Variants in PTGER4 observed in about 807,000 individuals in gnomAD.
PTGER4 encodes the protein prostaglandin E receptor 4.
PTGER4 carries 11 observed loss-of-function variants against 33.2 expected under a neutral mutation model. The ratio of observed to expected loss-of-function variants is 0.33; its 90% CI spans 0.21 to 0.55. The LOEUF (loss-of-function observed/expected upper bound fraction) is 0.55. PTGER4 is among the 20% of genes least tolerant of loss of function. The probability of loss-of-function intolerance (pLI) is 0.92; values close to 1 mark genes in which losing one functional copy is unlikely to be tolerated. For synonymous variants in PTGER4, 275 were observed against 281.5 expected, an observed-to-expected ratio of 0.98 and a Z score of 0.23; for missense variants, 481 against 650.2, an observed-to-expected ratio of 0.74 and a Z score of 2.83.
chr5:40,685,477 A>G (rs1395738927), intron 2 of PTGER4: 1 of 984,742 alleles, frequency 1.0e-6, no homozygotes, highest in East Asian at 1.1e-4. Context: ...AAATGCCACA[A>G]ATTTGGGTAT....
chr5:40,697,050 AG>A (rs1374288009), downstream of PTGER4, among the ~76,000 whole-genome samples: 1 of 146,610 alleles, frequency 6.8e-6, no homozygotes, highest in Non-Finnish European at 1.5e-5. Flanking sequence ...AAAGGAAGGA[AG>A]GAAAGAAAGA....
chr5:40,696,685 G>A (rs970712515), downstream of PTGER4: 9 of 985,050 alleles, frequency 9.1e-6, no homozygotes, highest in Non-Finnish European at 1.1e-5. Flanking sequence ...TGGAAGAGAA[G>A]GACAGAAGAG....
chr5:40,703,643 G>A, the PTGER4 span, among the ~76,000 whole-genome samples: 19 of 152,064 alleles, frequency 1.2e-4, no homozygotes, highest in South Asian at 4.1e-4. Context: ...TGTGGCTCAC[G>A]CCTGTAATCC....
downstream of PTGER4, among the ~76,000 whole-genome samples, chr5:40,695,261 T>C (rs1741564228): frequency 6.6e-6 from 1 of 152,024 alleles, no homozygotes; most frequent in South Asian, 2.1e-4. Context: ...AATACAAAAA[T>C]TGGCCAGGCG....
chr5:40,689,335 A>G (rs1741412297), intron 2 of PTGER4, among the ~76,000 whole-genome samples: 1 of 152,228 alleles, frequency 6.6e-6, no homozygotes, highest in African/African-American at 2.4e-5. Flanking sequence ...TAAGGAAGAA[A>G]AAGAAATGCA....
chr5:40,685,762 A>C (rs778478938), intron 2 of PTGER4, among the ~76,000 whole-genome samples: 1 of 152,222 alleles, frequency 6.6e-6, no homozygotes, highest in Non-Finnish European at 1.5e-5. Context: ...AATTTATATC[A>C]TTCTGCAACT....
intron 2 of PTGER4, among the ~76,000 whole-genome samples, chr5:40,690,175 A>G (rs1263881576): frequency 6.6e-6 from 1 of 152,050 alleles, no homozygotes; most frequent in Non-Finnish European, 1.5e-5. Context: ...CCTCATCTCT[A>G]CAAAAATAAT....
chr5:40,737,169 C>T, the PTGER4 span, among the ~76,000 whole-genome samples: 21 of 152,106 alleles, frequency 1.4e-4, no homozygotes, highest in Non-Finnish European at 2.5e-4. Flanking sequence ...TGGTGGCGCA[C>T]ACCTGTAGCC....
At chr5:40,698,120 C>CAAAA (rs1352485485), downstream of PTGER4, among the ~76,000 whole-genome samples, 3 of 71,056 alleles carry the variant, frequency 4.2e-5, no homozygotes, top group East Asian at 4.0e-4. Context: ...AAAAAAAAAA[C>CAAAA]CATGAAAAAT....
chr5:40,697,149 AG>A (rs1318225768), downstream of PTGER4, among the ~76,000 whole-genome samples: 98 of 130,138 alleles, frequency 7.5e-4, no homozygotes, highest in Middle Eastern at 4.3e-3. Flanking sequence ...AAGGAAAGAA[AG>A]AGAAAGAAAG....
chr5:40,728,243 C>A, the PTGER4 span: 15 of 974,304 alleles, frequency 1.5e-5, no homozygotes, highest in Non-Finnish European at 2.1e-5. Flanking sequence ...GAGATTGCAC[C>A]ACTGCACTGT....
downstream of PTGER4, among the ~76,000 whole-genome samples, chr5:40,695,575 C>T (rs1741571017): frequency 6.6e-6 from 1 of 151,290 alleles, no homozygotes; most frequent in South Asian, 2.1e-4. Flanking sequence ...CAAACATTAA[C>T]TAGGCATGGT....
chr5:40,740,281 T>C, the PTGER4 span, among the ~76,000 whole-genome samples: 1 of 151,664 alleles, frequency 6.6e-6, no homozygotes, highest in African/African-American at 2.4e-5. Context: ...CTATCTAGTA[T>C]GATTTTCCTT....
chr5:40,746,177 T>C, the PTGER4 span, among the ~76,000 whole-genome samples: 19 of 151,422 alleles, frequency 1.3e-4, no homozygotes, highest in African/African-American at 4.4e-4. Flanking sequence ...TTGGTCCTTC[T>C]TAAAAATCTA....
At chr5:40,682,283 T>C (rs2111786754) in intron 2 of PTGER4, among the ~76,000 whole-genome samples, 1 of 152,302 alleles carries the variant, frequency 6.6e-6, no homozygotes, top group Admixed American at 6.5e-5. Context: ...TGGTGATCTG[T>C]TCGTTGTAAA....
Position 40,679,987 on chromosome 5 carries a change from G to A in PTGER4, c.-535G>A, listed in dbSNP as rs1741144277. 1 of 152,844 alleles carries A rather than the reference G, an allele frequency of 6.5e-6. No homozygotes were observed. The highest frequency in any genetic ancestry group is 1.5e-5 in the Non-Finnish European group (1 of 68,550). The allele number at this position is 152,844 out of a possible 1,614,324, so 9.5% of individuals were successfully genotyped here. Reference sequence around the variant, plus strand: ...GAGGAAGATGAACAGCCCCAGGCCAGAGCCTCTGGCAGAGTGGACCCCGAG... The same window carrying A: ...GAGGAAGATGAACAGCCCCAGGCCAAAGCCTCTGGCAGAGTGGACCCCGAG... On this transcript the variant is annotated 5_prime_UTR_variant, in exon 1 of 3. Transcript: ENST00000302472.
chr5:40,721,171 T>C, the PTGER4 span, among the ~76,000 whole-genome samples: 1 of 152,200 alleles, frequency 6.6e-6, no homozygotes, highest in Non-Finnish European at 1.5e-5. Context: ...CTGTCTTACC[T>C]GTAGTGGAGT....
At chr5:40,718,733 G>A in the PTGER4 span, among the ~76,000 whole-genome samples, 11 of 150,096 alleles carry the variant, frequency 7.3e-5, no homozygotes, top group Middle Eastern at 7.0e-3. Flanking sequence ...GCAAGATTCC[G>A]TCTCGAAAAA....
At chr5:40,734,618 G>A in the PTGER4 span, among the ~76,000 whole-genome samples, 1 of 152,180 alleles carries the variant, frequency 6.6e-6, no homozygotes, top group Non-Finnish European at 1.5e-5. Flanking sequence ...AATGTGTTTA[G>A]CTACTTTACT....
Sources: gnomAD v4.1 joint callset for allele counts (sites outside exome capture counted in the v4.1 genomes callset) on GRCh38, gnomAD v4.1.1 for gene constraint, MANE v1.5 for transcripts, NCBI Gene and HGNC (gene_info 2026-07-23, HGNC 2026-07-21) for gene names.